RPS6KA5: variants seen among roughly 807,000 people sequenced by gnomAD.
RPS6KA5 encodes ribosomal protein S6 kinase alpha-5.
In RPS6KA5, 27 loss-of-function variants were observed where a neutral mutation model predicts 85.5. The observed-to-expected ratio is 0.32, with a 90% CI of 0.23 to 0.44. The LOEUF (loss-of-function observed/expected upper bound fraction) is 0.44, where lower values mean the gene tolerates loss of function less well. Ranked by LOEUF, RPS6KA5 falls within the 20% of genes least tolerant of loss-of-function variation. The probability of loss-of-function intolerance (pLI) is 1.00; values close to 1 mark genes in which losing one functional copy is unlikely to be tolerated. For missense variants in RPS6KA5, 811 were observed against 980.9 expected, an observed-to-expected ratio of 0.83 and a Z score of 2.31; for synonymous variants, 334 against 348.2, an observed-to-expected ratio of 0.96 and a Z score of 0.46.
At chr14:91,007,141 G>A (rs1308319282) in intron 1 of RPS6KA5, among the ~76,000 whole-genome samples, 1 of 152,172 alleles carries the variant, frequency 6.6e-6, no homozygotes, top group Non-Finnish European at 1.5e-5. Flanking sequence ...CAGAGTTTGG[G>A]CATTTGTGGA....
intron 3 of RPS6KA5, among the ~76,000 whole-genome samples, chr14:90,975,112 T>C (rs2039504662): frequency 6.6e-6 from 1 of 152,208 alleles, no homozygotes; most frequent in Non-Finnish European, 1.5e-5. Context: ...TTTATTTTCT[T>C]ATTTTTGCTG....
chr14:91,034,790 T>C (rs1172942741), intron 1 of RPS6KA5, among the ~76,000 whole-genome samples: 5 of 152,194 alleles, frequency 3.3e-5, no homozygotes, highest in African/African-American at 1.2e-4. Context: ...GGTGCATGGC[T>C]TCATTCTTGA....
chr14:90,894,587 G>A lies in RPS6KA5; in HGVS notation c.1474-4C>T, dbSNP rs1434745054. Reference sequence around the variant, plus strand: ...CCATCACTAGAAACGTGTGAAGCTAGAAAAGAGAAAGAATAACGTGGAGGG... The same window carrying A: ...CCATCACTAGAAACGTGTGAAGCTAAAAAAGAGAAAGAATAACGTGGAGGG... On this transcript the variant is annotated splice_polypyrimidine_tract_variant and splice_region_variant and intron_variant, in intron 12 of 16. Coordinates refer to ENST00000614987, the MANE Select transcript of RPS6KA5 (RefSeq NM_004755.4). The A allele has an allele frequency of 5.6e-6, 9 of 1,612,830 alleles. No homozygotes were observed. Among genetic ancestry groups the A allele is most frequent in the East Asian group, 2.2e-5 (1 of 44,840 alleles).
chr14:90,930,624 G>A (rs1457220115), intron 5 of RPS6KA5, among the ~76,000 whole-genome samples: 2 of 151,978 alleles, frequency 1.3e-5, no homozygotes, highest in African/African-American at 4.8e-5. Flanking sequence ...GAAAATATTT[G>A]CAAATCATAT....
At chr14:90,946,499 G>C (rs916393140) in intron 4 of RPS6KA5, among the ~76,000 whole-genome samples, 4 of 151,966 alleles carry the variant, frequency 2.6e-5, no homozygotes, top group African/African-American at 9.7e-5. Flanking sequence ...TCACCCACCT[G>C]TTACCTCCAC....
intron 1 of RPS6KA5, among the ~76,000 whole-genome samples, chr14:91,019,293 C>T (rs2041639048): frequency 6.6e-6 from 1 of 152,156 alleles, no homozygotes. Flanking sequence ...ACATTTAAAT[C>T]AGTGGACTTT....
intron 12 of RPS6KA5, among the ~76,000 whole-genome samples, chr14:90,897,277 A>T (rs2034891987): frequency 6.6e-6 from 1 of 152,154 alleles, no homozygotes; most frequent in Non-Finnish European, 1.5e-5. Flanking sequence ...TCTGCTCAAG[A>T]GGGAACCAGC....
At chr14:91,004,985 A>AAAAC (rs2040956209) in intron 1 of RPS6KA5, among the ~76,000 whole-genome samples, 1 of 151,958 alleles carries the variant, frequency 6.6e-6, no homozygotes, top group Non-Finnish European at 1.5e-5. Context: ...AAAAAACAAA[A>AAAAC]AAACAAAAAA....
chr14:90,975,062 G>A (rs1000334126), intron 3 of RPS6KA5, among the ~76,000 whole-genome samples: 2 of 151,662 alleles, frequency 1.3e-5, no homozygotes, highest in African/African-American at 4.8e-5. Context: ...ATAACAGAGG[G>A]GTATATAATA....
intron 3 of RPS6KA5, among the ~76,000 whole-genome samples, chr14:90,958,427 A>C (rs2038635406): frequency 6.6e-6 from 1 of 152,200 alleles, no homozygotes; most frequent in Non-Finnish European, 1.5e-5. Flanking sequence ...CTACTTCTGG[A>C]CTACATTTTG....
chr14:90,875,443 G>C, intron 14 of RPS6KA5, 83 bp from the exon 15 acceptor site: 1 of 1,267,928 alleles, frequency 7.9e-7, no homozygotes, highest in African/African-American at 1.5e-5. Context: ...AACGTAACTG[G>C]TGTAATTTAC....
chr14:90,873,792 A>G lies in RPS6KA5; in HGVS notation c.2000T>C (p.Leu667Pro). Residue 667 changes from leucine to proline, a missense_variant, in exon 16 of 17, where the codon CTT (leucine) becomes CCT (proline). Physicochemically the swap from Leu to Pro is moderately conservative, Grantham distance 98 (BLOSUM62 -3). Around this residue, in one of 3 missense-constraint regions of RPS6KA5, gnomAD observed 650 missense variants for 793.4 expected, o/e 0.82. Transcript: ENST00000614987. ...SQEAKDLIQG[L>P]LTVDPNKRLK... Reference sequence around the variant, plus strand: ...CCTTTTGTTTGGATCTACTGTGAGAAGTCCTTTGGGAATAGATATTTTTAT... The same window carrying G: ...CCTTTTGTTTGGATCTACTGTGAGAGGTCCTTTGGGAATAGATATTTTTAT... 1 of 1,611,674 alleles carries G rather than the reference A, an allele frequency of 6.2e-7. No individual in the cohort carries two copies. The highest frequency in any genetic ancestry group is 8.5e-7 in the Non-Finnish European group (1 of 1,179,054).
chr14:90,893,845 A>C (rs1380149309), intron 13 of RPS6KA5: 1 of 233,458 alleles, frequency 4.3e-6, no homozygotes, highest in Non-Finnish European at 7.0e-6. Context: ...AGCCTTTCAT[A>C]AGAGGAGACA....
chr14:90,983,583 A>C (rs540468511), intron 2 of RPS6KA5, among the ~76,000 whole-genome samples: 52 of 151,530 alleles, frequency 3.4e-4, no homozygotes, highest in Non-Finnish European at 6.3e-4. Flanking sequence ...CCTGGGCAAC[A>C]GGGCAAAACT....
At position 91,060,180 on chromosome 14, in the gene RPS6KA5, G is replaced by A. The variant is rs1035661140; in HGVS notation, c.103+152C>T. ...CGCGCCCCCACCTCCCGGGACCCCC[G>A]GGGCACGCGCCCCGACCGCGACGCC... On this transcript the variant is annotated intron_variant, in intron 1 of 16. Transcript: ENST00000614987. The A allele has an allele frequency of 1.4e-5, 14 of 972,516 alleles. No homozygotes were observed. In the South Asian group the frequency reaches 5.7e-4, roughly 39 times the overall value. 60.2% of individuals were successfully genotyped at this position (972,516 alleles called of 1,614,324 possible).
chr14:90,942,107 G>A (rs2037602904), intron 5 of RPS6KA5, among the ~76,000 whole-genome samples: 2 of 152,034 alleles, frequency 1.3e-5, no homozygotes, highest in Non-Finnish European at 2.9e-5. Flanking sequence ...TAGTAGAGGG[G>A]ATAAATAAAT....
At chr14:90,886,244 G>C (rs1250053161) in intron 14 of RPS6KA5, among the ~76,000 whole-genome samples, 5 of 152,182 alleles carry the variant, frequency 3.3e-5, no homozygotes, top group African/African-American at 1.2e-4. Flanking sequence ...ATTTTCTCTA[G>C]CATTAAAATG....
chr14:90,931,840 C>T (rs892277310), intron 5 of RPS6KA5, among the ~76,000 whole-genome samples: 1 of 151,940 alleles, frequency 6.6e-6, no homozygotes, highest in Admixed American at 6.5e-5. Flanking sequence ...GATTATTACA[C>T]AACAGTTAAA....
At chr14:90,920,404 T>C (rs2140290676) in intron 6 of RPS6KA5, 95 bp from the exon 7 acceptor site, 1 of 880,104 alleles carries the variant, frequency 1.1e-6, no homozygotes, top group South Asian at 1.6e-5. Flanking sequence ...TAGGAAAATG[T>C]TTTAAAAAAT....
Sources: allele counts gnomAD v4.1 joint callset (sites outside exome capture counted in the v4.1 genomes callset), GRCh38; gene constraint gnomAD v4.1.1; regional missense constraint gnomAD v4.1.1; transcripts MANE v1.5; gene names NCBI Gene and HGNC (gene_info 2026-07-23, HGNC 2026-07-21).